EPB41L5: variants seen among roughly 807,000 people sequenced by gnomAD.
EPB41L5 encodes the protein erythrocyte membrane protein band 4.1 like 5, also known as band 4.1-like protein 5.
In EPB41L5, 55 loss-of-function variants were observed where a neutral mutation model predicts 106.6. The ratio of observed to expected loss-of-function variants is 0.52; its 90% CI spans 0.42 to 0.65. The LOEUF (loss-of-function observed/expected upper bound fraction) is 0.65, where lower values mean the gene tolerates loss of function less well. Ranked by LOEUF, EPB41L5 falls within the 30% of genes least tolerant of loss-of-function variation. The probability of loss-of-function intolerance (pLI) is 0.00; values close to 1 mark genes in which losing one functional copy is unlikely to be tolerated. For missense variants in EPB41L5, 871 were observed against 882.1 expected (o/e 0.99, Z 0.16); for synonymous variants, 297 against 306.7 (o/e 0.97, Z 0.33).
At chr2:120,116,501 A>G (rs1345895444) in intron 16 of EPB41L5, among the ~76,000 whole-genome samples, 1 of 152,028 alleles carries the variant, frequency 6.6e-6, no homozygotes, top group Non-Finnish European at 1.5e-5. Context: ...AAGAAGGAAA[A>G]TTTTCTTAAA....
At chr2:120,015,287 A>C (rs1677439473) in intron 1 of EPB41L5, among the ~76,000 whole-genome samples, 1 of 151,494 alleles carries the variant, frequency 6.6e-6, no homozygotes, top group Non-Finnish European at 1.5e-5. Flanking sequence ...AGATCGCGCC[A>C]CTGCACTTCA....
At chr2:120,047,637 A>AT (rs1348438924) in intron 3 of EPB41L5, among the ~76,000 whole-genome samples, 3 of 152,048 alleles carry the variant, frequency 2.0e-5, no homozygotes, top group Admixed American at 2.0e-4. Context: ...TCTTTTCCTA[A>AT]TTGAATAGCC....
intron 19 of EPB41L5, among the ~76,000 whole-genome samples, chr2:120,145,210 C>T (rs552669354): frequency 6.6e-5 from 10 of 152,140 alleles, no homozygotes; most frequent in African/African-American, 2.4e-4. Context: ...TCATCTAACC[C>T]GCAATTACAT....
At chr2:120,064,338 T>C (rs1181229265) in intron 3 of EPB41L5, among the ~76,000 whole-genome samples, 3 of 152,348 alleles carry the variant, frequency 2.0e-5, no homozygotes, top group Admixed American at 2.0e-4. Context: ...CTCTTTTGTC[T>C]TTGAGCAAGA....
intron 13 of EPB41L5, 93 bp from the exon 14 acceptor site, chr2:120,093,156 G>A: frequency 1.0e-6 from 1 of 994,510 alleles, no homozygotes; most frequent in Non-Finnish European, 1.6e-6. Context: ...AACATGGCTT[G>A]TAAAGCAATT....
chr2:120,164,189 A>T (rs1216270519), intron 21 of EPB41L5, among the ~76,000 whole-genome samples: 2 of 151,586 alleles, frequency 1.3e-5, no homozygotes, highest in African/African-American at 4.8e-5. Context: ...TCACCGTGTT[A>T]GCCAGGAGTG....
intron 16 of EPB41L5, chr2:120,104,528 T>C (rs1684337696): frequency 9.6e-7 from 1 of 1,045,022 alleles, no homozygotes; most frequent in African/African-American, 1.7e-5. Context: ...ATCACCAGAC[T>C]GTATCTCAGG....
rs900886634 is a variant in EPB41L5, at chr2:120,176,461, G to C, written c.*1554G>C. On this transcript the variant is annotated 3_prime_UTR_variant, in exon 25 of 25. Transcript: ENST00000263713. ...GCAAACGCACACTAGTGTCTGACTG[G>C]AAAGCTCAGGAATTTTAATCTTGCA... 2.6e-5 allele frequency: 4 copies of C among 152,198 alleles called. No homozygotes were observed. The highest frequency in any genetic ancestry group is 1.3e-4 in the Admixed American group (2 of 15,286). 9.4% of individuals were successfully genotyped at this position (152,198 alleles called of 1,614,324 possible). A position where few individuals can be genotyped will look rare whatever the true frequency, so the allele number is the denominator to read the frequency against.
At position 120,146,280 on chromosome 2, in the gene EPB41L5, C is replaced by T. The variant is rs1451875446; in HGVS notation, c.1784C>T (p.Ala595Val). Residue 595 changes from alanine to valine, a missense_variant, in exon 20 of 25, where the codon GCC becomes GTC. Ala to Val is a moderately conservative substitution (Grantham distance 64). Transcript: ENST00000263713. ...AAAAATGCCAATGTTCAGGATGCTG[C>T]CACAAACAGGTACAGTTCTGGGTAG... is the stretch of plus-strand genomic sequence containing the variant. ...SHKNANVQDA[A>V]TNSAVLNENN... 4 of 1,608,024 alleles carry T rather than the reference C, an allele frequency of 2.5e-6. No homozygotes were observed. The South Asian group carries it at 4.4e-5, about 18-fold the overall frequency.
At chr2:120,087,895 A>G (rs1362344767) in intron 11 of EPB41L5, among the ~76,000 whole-genome samples, 2 of 152,240 alleles carry the variant, frequency 1.3e-5, no homozygotes, top group African/African-American at 4.8e-5. Context: ...CTTAATTGAT[A>G]CATGCTTGGA....
At position 120,042,034 on chromosome 2, in the gene EPB41L5, A is replaced by G; in HGVS notation, c.209A>G (p.Asp70Gly). The G allele has an allele frequency of 6.2e-7, 1 of 1,612,558 alleles. No homozygotes were observed. Among genetic ancestry groups the G allele is most frequent in the South Asian group, 1.1e-5 (1 of 90,782 alleles). ...PKKAKGQELF[D>G]QIMYHLDLIE... Reference sequence around the variant, plus strand: ...AAAGCCAAAGGACAAGAGTTGTTTGATCAGATTATGTACCACCTGGACCTG... The same window carrying G: ...AAAGCCAAAGGACAAGAGTTGTTTGGTCAGATTATGTACCACCTGGACCTG... The change falls in exon 3 of 25, where the codon GAT (aspartate) becomes GGT (glycine). Residue 70 changes from aspartate (D) to glycine (G), a missense_variant. Asp to Gly is a moderately conservative substitution (Grantham distance 94). Transcript: ENST00000263713.
In EPB41L5 at chr2:120,106,900, A is replaced by T. The variant is rs756957714; in HGVS notation, c.1337+6086A>T. The T allele has an allele frequency of 1.8e-4, 177 of 974,872 alleles. No individual in the cohort carries two copies. In the Middle Eastern group the frequency reaches 2.1e-3, roughly 12 times the overall value. The allele number at this position is 974,872 out of a possible 1,614,324, so 60.4% of individuals were successfully genotyped here. On this transcript the variant is annotated intron_variant, in intron 16 of 24. Transcript: ENST00000263713. ...TTTAAATGAATTTACAGAGAAAAATAAATTTTATTTGTCCTACTATGTGTA... is the reference window on the plus strand; with the variant it reads ...TTTAAATGAATTTACAGAGAAAAATTAATTTTATTTGTCCTACTATGTGTA...
chr2:120,037,155 C>A, intron 2 of EPB41L5, among the ~76,000 whole-genome samples: 1 of 151,190 alleles, frequency 6.6e-6, no homozygotes. Context: ...TTAAGAAAAC[C>A]ATTTCATTTA....
At chr2:120,054,148 A>G (rs1371463619) in intron 3 of EPB41L5, among the ~76,000 whole-genome samples, 1 of 152,072 alleles carries the variant, frequency 6.6e-6, no homozygotes, top group Non-Finnish European at 1.5e-5. Flanking sequence ...GCATTTCCCT[A>G]ATGACTAATG....
At chr2:120,084,711 G>T (rs1289570484) in intron 10 of EPB41L5, among the ~76,000 whole-genome samples, 1 of 152,292 alleles carries the variant, frequency 6.6e-6, no homozygotes, top group East Asian at 1.9e-4. Flanking sequence ...ATAATATCCT[G>T]CAGAGTGTTT....
intron 20 of EPB41L5, among the ~76,000 whole-genome samples, chr2:120,155,305 C>T (rs916830052): frequency 6.6e-6 from 1 of 152,116 alleles, no homozygotes; most frequent in African/African-American, 2.4e-5. Context: ...TACTTTCTTT[C>T]AGTGCTTTTA....
intron 2 of EPB41L5, among the ~76,000 whole-genome samples, chr2:120,029,362 A>G (rs572399695): frequency 6.6e-6 from 1 of 152,174 alleles, no homozygotes; most frequent in East Asian, 1.9e-4. Flanking sequence ...GATTTTTAGT[A>G]TTGTATATAC....
chr2:120,050,288 C>G (rs1370924186), intron 3 of EPB41L5, among the ~76,000 whole-genome samples: 2 of 152,322 alleles, frequency 1.3e-5, no homozygotes, highest in African/African-American at 4.8e-5. Flanking sequence ...CTCCCCTTCA[C>G]TTTCAGGTAC....
At chr2:120,024,949 A>G (rs974187048) in intron 2 of EPB41L5, among the ~76,000 whole-genome samples, 2 of 152,198 alleles carry the variant, frequency 1.3e-5, no homozygotes, top group Non-Finnish European at 1.5e-5. Flanking sequence ...CATCAGGGAT[A>G]TTAGCCTGAA....
Sources: gnomAD v4.1 joint callset for allele counts (sites outside exome capture counted in the v4.1 genomes callset) on GRCh38, gnomAD v4.1.1 for gene constraint, MANE v1.5 for transcripts, NCBI Gene and HGNC (gene_info 2026-07-23, HGNC 2026-07-21) for gene names.